Variants in IL17B observed in about 807,000 individuals in gnomAD.
IL17B encodes the protein interleukin 17B.
IL17B carries 14 observed loss-of-function variants against 14.7 expected under a neutral mutation model. The observed-to-expected ratio is 0.95, with a 90% CI of 0.63 to 1.49. IL17B has a LOEUF of 1.49. Ranked by LOEUF, IL17B falls within the 40% of genes most tolerant of loss-of-function variation. The pLI is 0.00. For synonymous variants in IL17B, 105 were observed against 94.8 expected (o/e 1.11, Z -0.62); for missense variants, 233 against 252.8 (o/e 0.92, Z 0.53).
At chr5:149,390,944 T>C (rs534993563) in intron 1 of IL17B, among the ~76,000 whole-genome samples, 1 of 152,146 alleles carries the variant, frequency 6.6e-6, no homozygotes, top group African/African-American at 2.4e-5. Flanking sequence ...TGGACCAGGA[T>C]TTTGGTTTTT....
chr5:149,381,639 G>A (rs1758701310), upstream of IL17B, among the ~76,000 whole-genome samples: 1 of 152,234 alleles, frequency 6.6e-6, no homozygotes, highest in Non-Finnish European at 1.5e-5. Flanking sequence ...GGAGCTTTGG[G>A]GTCCCCTGGC....
At chr5:149,382,005 C>A (rs948577970), upstream of IL17B, among the ~76,000 whole-genome samples, 1 of 152,216 alleles carries the variant, frequency 6.6e-6, no homozygotes, top group Non-Finnish European at 1.5e-5. Context: ...GCCGCGGTCT[C>A]GCTCAGAGCC....
rs147612522 is a variant in IL17B at position 149,391,758 on chromosome 5, C to G, written n.95+12350G>C. On this transcript the variant is annotated intron_variant and non_coding_transcript_variant, in intron 1 of 2. Transcript: ENST00000505432. ...TTGAACTGTGTGCAATGGAGGACGG[C>G]GACTGGCCGGTGTGCAATAGAGGAG... 3.3e-3 allele frequency among the ~76,000 whole-genome samples: 510 copies of G among 152,288 alleles called. 4 individuals carry two copies. The highest frequency in any genetic ancestry group is 0.012 in the African/African-American group (494 of 41,556).
At position 149,374,790 on chromosome 5, in the gene IL17B, C is replaced by T. The variant is rs961104967; in HGVS notation, c.312-190G>A. The T allele has an allele frequency of 1.2e-5, 7 of 566,118 alleles. No individual in the cohort carries two copies. Among genetic ancestry groups the T allele is most frequent in the East Asian group, 8.5e-5 (3 of 35,488 alleles). The allele number at this position is 566,118 out of a possible 1,614,324, so 35.1% of individuals were successfully genotyped here. The stretch of plus-strand genomic sequence containing the variant: ...AAACTGAAGATCATGGAAGGCAAGT[C>T]GAGAGCCCCAAGGTTATCCAGCTTC... On this transcript the variant is annotated intron_variant, in intron 2 of 2. Transcript: ENST00000261796. The surrounding 1 kb of genome is among the most constrained non-coding windows in gnomAD (Gnocchi z 5.0).
At chr5:149,392,981 TGTGTGTGC>T (rs895260480) in intron 1 of IL17B, among the ~76,000 whole-genome samples, 61 of 142,980 alleles carry the variant, frequency 4.3e-4, no homozygotes, top group African/African-American at 1.5e-3. Flanking sequence ...CGCGTGCGTG[TGTGTGTGC>T]GTGTGTGTGC....
In IL17B at chr5:149,376,866, C is replaced by A; in HGVS notation, c.181G>T (p.Glu61Ter). The A allele has an allele frequency of 1.2e-6, 2 of 1,614,178 alleles. No individual in the cohort carries two copies. Among genetic ancestry groups the A allele is most frequent in the Non-Finnish European group, 1.7e-6 (2 of 1,180,030 alleles). The change falls in exon 2 of 3, where the codon GAG becomes TAG. Residue 61 changes from glutamate to a stop codon, truncating the protein, a stop_gained. Transcript: ENST00000261796. LOFTEE classifies it high-confidence loss of function. ...ATCTCCTCGATGTTCCTCTCATACTCCTCCATGCGGGCATACGGTTTCATC... is the reference window on the plus strand; with the variant it reads ...ATCTCCTCGATGTTCCTCTCATACTACTCCATGCGGGCATACGGTTTCATC... The part of the protein sequence containing the change: ...SRMKPYARME[E>*]YERNIEEMVA...
intron 1 of IL17B, among the ~76,000 whole-genome samples, chr5:149,400,418 CTG>C (rs1383004569): frequency 9.2e-5 from 14 of 152,204 alleles, no homozygotes; most frequent in Non-Finnish European, 1.3e-4. Flanking sequence ...GCCCCCAGAG[CTG>C]TGAGATAAAT....
At chr5:149,386,425 T>C (rs1036786323) in intron 1 of IL17B, among the ~76,000 whole-genome samples, 1 of 152,090 alleles carries the variant, frequency 6.6e-6, no homozygotes, top group African/African-American at 2.4e-5. Context: ...GCCTCTATCC[T>C]CATCCTCCTG....
upstream of IL17B, among the ~76,000 whole-genome samples, chr5:149,382,152 G>A (rs533353097): frequency 2.0e-4 from 30 of 152,354 alleles, no homozygotes; most frequent in Non-Finnish European, 2.9e-4. Flanking sequence ...GAGCGGCCCG[G>A]GACTGAGAAT....
intron 1 of IL17B, among the ~76,000 whole-genome samples, chr5:149,392,786 C>A (rs184654471): frequency 2.1e-3 from 316 of 151,874 alleles, no homozygotes; most frequent in Non-Finnish European, 3.9e-3. Context: ...TCATTTCATT[C>A]TCTCTCTTTC....
At chr5:149,387,611 A>G (rs1758851242) in intron 1 of IL17B, among the ~76,000 whole-genome samples, 1 of 150,104 alleles carries the variant, frequency 6.7e-6, no homozygotes, top group Non-Finnish European at 1.5e-5. Flanking sequence ...CTCTACAAAA[A>G]AATAATTTAA....
chr5:149,383,558 T>G (rs541098090), upstream of IL17B, among the ~76,000 whole-genome samples: 1 of 152,148 alleles, frequency 6.6e-6, no homozygotes, highest in East Asian at 1.9e-4. Context: ...TGCCCTCCCC[T>G]CCCTCCCTGG....
At chr5:149,381,770 G>A (rs1272166865), upstream of IL17B, among the ~76,000 whole-genome samples, 1 of 152,216 alleles carries the variant, frequency 6.6e-6, no homozygotes, top group African/African-American at 2.4e-5. Flanking sequence ...ACCCCTGGAG[G>A]GTCATCTGTC....
chr5:149,383,673 T>C (rs1298511597), upstream of IL17B, among the ~76,000 whole-genome samples: 2 of 152,184 alleles, frequency 1.3e-5, no homozygotes, highest in Admixed American at 6.5e-5. Flanking sequence ...GACGGGAACA[T>C]TGTTGGTGGG....
intron 1 of IL17B, among the ~76,000 whole-genome samples, chr5:149,378,289 G>A (rs946632402): frequency 1.3e-5 from 2 of 152,128 alleles, no homozygotes; most frequent in African/African-American, 4.8e-5. Flanking sequence ...TCTCCCCTGA[G>A]CCTTCCCTCT....
At chr5:149,397,204 C>G (rs1759109974) in intron 1 of IL17B, among the ~76,000 whole-genome samples, 1 of 152,132 alleles carries the variant, frequency 6.6e-6, no homozygotes, top group African/African-American at 2.4e-5. Flanking sequence ...GAGTTTTGCT[C>G]TTTCACTCAG....
intron 1 of IL17B, among the ~76,000 whole-genome samples, chr5:149,389,330 AAAG>A: frequency 6.6e-6 from 1 of 152,378 alleles, no homozygotes; most frequent in Middle Eastern, 3.4e-3. Context: ...TGAGAAGTCC[AAAG>A]AAGGAAGATC....
chr5:149,376,680 G>A (rs1407304943), intron 2 of IL17B, 56 bp downstream of exon 2: 1 of 1,540,204 alleles, frequency 6.5e-7, no homozygotes, highest in African/African-American at 1.4e-5. Context: ...CAATGACTGG[G>A]GCACAGGAAA....
chr5:149,376,619 A>T, intron 2 of IL17B, 117 bp downstream of exon 2: 1 of 1,283,698 alleles, frequency 7.8e-7, no homozygotes, highest in Non-Finnish European at 1.1e-6. Context: ...AGGCAGAGCT[A>T]GGGTTCGAAC....
Sources: gnomAD v4.1 joint callset for allele counts (sites outside exome capture counted in the v4.1 genomes callset) on GRCh38, gnomAD v4.1.1 for gene constraint, Gnocchi (gnomAD v3.1) non-coding constraint, MANE v1.5 for transcripts, NCBI Gene and HGNC (gene_info 2026-07-23, HGNC 2026-07-21) for gene names.